Variants in PCDHA8 observed in about 807,000 individuals in gnomAD.
PCDHA8 encodes the protein protocadherin alpha 8, also known as protocadherin alpha-8.
Under a neutral mutation model 61.8 loss-of-function variants are expected in PCDHA8, and 53 were observed. The ratio of observed to expected loss-of-function variants is 0.86; its 90% CI spans 0.69 to 1.08. PCDHA8 has a LOEUF of 1.08. Ranked by LOEUF, PCDHA8 falls within the 50% of genes least tolerant of loss-of-function variation. The pLI is 0.00. For missense variants in PCDHA8, 1,293 were observed against 1,245.0 expected, an observed-to-expected ratio of 1.04 and a Z score of -0.58; for synonymous variants, 618 against 556.6, an observed-to-expected ratio of 1.11 and a Z score of -1.55.
At position 140,946,631 on chromosome 5, in the gene PCDHA8, T is replaced by C. The variant is rs75895301; in HGVS notation, c.2395-32318T>C. Among the ~76,000 whole-genome samples, 565 of 131,680 alleles carry C rather than the reference T, an allele frequency of 4.3e-3. 19 individuals are homozygous for C. Among genetic ancestry groups the C allele is most frequent in the Middle Eastern group, 0.019 (5 of 266 alleles). 86.4% of individuals were successfully genotyped at this position (131,680 alleles called of 152,430 possible). A position where few individuals can be genotyped will look rare whatever the true frequency, so the allele number is the denominator to read the frequency against. On this transcript the variant is annotated intron_variant, in intron 1 of 3. Coordinates refer to ENST00000531613, the MANE Select transcript of PCDHA8 (RefSeq NM_018911.3). ...TGTGAAATATATATATATATATATA[T>C]ACAATGGAATACTCATCAGCCATTA... is the stretch of plus-strand genomic sequence containing the variant.
chr5:140,880,891 C>T (rs1475261918), intron 1 of PCDHA8, among the ~76,000 whole-genome samples: 2 of 151,984 alleles, frequency 1.3e-5, no homozygotes, highest in Non-Finnish European at 2.9e-5. Flanking sequence ...AATGTAGGGC[C>T]AGATAGAAAG....
intron 2 of PCDHA8, among the ~76,000 whole-genome samples, chr5:140,981,831 G>A (rs2096952818): frequency 6.6e-6 from 1 of 152,006 alleles, no homozygotes; most frequent in African/African-American, 2.4e-5. Flanking sequence ...TGCCTCTAAA[G>A]GTCTCCCAGT....
chr5:140,987,266 C>T (rs2097244603), intron 3 of PCDHA8, among the ~76,000 whole-genome samples: 1 of 151,752 alleles, frequency 6.6e-6, no homozygotes, highest in African/African-American at 2.4e-5. Context: ...AGGAATGGGA[C>T]CCGGCAGTCT....
chr5:140,947,784 T>C (rs2094176527), intron 1 of PCDHA8, among the ~76,000 whole-genome samples: 1 of 151,672 alleles, frequency 6.6e-6, no homozygotes, highest in Non-Finnish European at 1.5e-5. Context: ...AAATGGATTT[T>C]AAACAGACTT....
intron 1 of PCDHA8, chr5:140,927,766 GAGGTGCA>G: frequency 6.2e-7 from 1 of 1,614,234 alleles, no homozygotes. Context: ...TAAAAGTGGG[GAGGTGCA>G]AGTAGCTGCT....
chr5:140,936,547 A>G (rs1554211059), intron 1 of PCDHA8, among the ~76,000 whole-genome samples: 1 of 152,240 alleles, frequency 6.6e-6, no homozygotes, highest in East Asian at 1.9e-4. Context: ...AGTGCAATGT[A>G]GAAGTCAAGA....
intron 3 of PCDHA8, among the ~76,000 whole-genome samples, chr5:141,000,385 C>A (rs868983393): frequency 3.1e-5 from 2 of 64,984 alleles, no homozygotes; most frequent in South Asian, 5.2e-4. Flanking sequence ...CTCTCTCTCT[C>A]TCTCTCTCTC....
chr5:140,915,458 G>T (rs1172885235), intron 1 of PCDHA8, among the ~76,000 whole-genome samples: 11 of 152,126 alleles, frequency 7.2e-5, no homozygotes, highest in African/African-American at 2.2e-4. Flanking sequence ...TTTCCAGAAG[G>T]TTTTTATTTG....
chr5:140,905,776 GT>G (rs1255347430), intron 1 of PCDHA8, among the ~76,000 whole-genome samples: 1 of 152,068 alleles, frequency 6.6e-6, no homozygotes, highest in African/African-American at 2.4e-5. Flanking sequence ...ATTCCGAAGT[GT>G]ATTAGTCAGG....
chr5:140,993,265 C>A (rs1196226593), intron 3 of PCDHA8, among the ~76,000 whole-genome samples: 1 of 152,062 alleles, frequency 6.6e-6, no homozygotes, highest in Non-Finnish European at 1.5e-5. Flanking sequence ...AAATTAGCTT[C>A]TTTGGTCTTT....
At chr5:140,902,509 A>G (rs1242435474) in intron 1 of PCDHA8, among the ~76,000 whole-genome samples, 2 of 152,056 alleles carry the variant, frequency 1.3e-5, no homozygotes, top group Non-Finnish European at 2.9e-5. Context: ...TGAGTCTGTC[A>G]TATATGGTTT....
At chr5:140,968,818 T>C in intron 1 of PCDHA8, 1 of 1,614,188 alleles carries the variant, frequency 6.2e-7, no homozygotes, top group South Asian at 1.1e-5. Flanking sequence ...TGGATAGGGT[T>C]TCCAAAATCC....
chr5:140,926,212 T>G (rs1261895253), intron 1 of PCDHA8, among the ~76,000 whole-genome samples: 2 of 152,204 alleles, frequency 1.3e-5, no homozygotes, highest in Non-Finnish European at 2.9e-5. Context: ...GGGCTCCTGT[T>G]TCCTTAAGCC....
At chr5:140,976,011 C>A (rs983997714) in intron 1 of PCDHA8, among the ~76,000 whole-genome samples, 10 of 152,230 alleles carry the variant, frequency 6.6e-5, no homozygotes, top group Admixed American at 1.3e-4. Flanking sequence ...TATTAAAGAA[C>A]TAAATAATCA....
At chr5:141,007,869 T>C (rs2098349373) in intron 3 of PCDHA8, among the ~76,000 whole-genome samples, 1 of 152,262 alleles carries the variant, frequency 6.6e-6, no homozygotes, top group African/African-American at 2.4e-5. Flanking sequence ...TCTTTTCCTT[T>C]GTCTTACACT....
chr5:140,959,107 C>A (rs1330357931), intron 1 of PCDHA8, among the ~76,000 whole-genome samples: 1 of 151,920 alleles, frequency 6.6e-6, no homozygotes, highest in South Asian at 2.1e-4. Context: ...CAGCAGGGGT[C>A]CGAAGGTGGG....
intron 3 of PCDHA8, among the ~76,000 whole-genome samples, chr5:140,994,608 G>C (rs1231327885): frequency 1.3e-5 from 2 of 152,098 alleles, no homozygotes; most frequent in Admixed American, 1.3e-4. Context: ...GGGAGGCTGA[G>C]GCACGAGAGT....
At chr5:140,980,397 C>T (rs888776890) in intron 2 of PCDHA8, among the ~76,000 whole-genome samples, 3 of 152,100 alleles carry the variant, frequency 2.0e-5, no homozygotes, top group South Asian at 2.1e-4. Context: ...TTTGGGAGGC[C>T]GAGGTGGGCA....
intron 1 of PCDHA8, among the ~76,000 whole-genome samples, chr5:140,930,847 A>G (rs1411771257): frequency 6.6e-6 from 1 of 152,224 alleles, no homozygotes; most frequent in Non-Finnish European, 1.5e-5. Context: ...AAATATGTGC[A>G]TATATGAATT....
Sources: allele counts gnomAD v4.1 joint callset (sites outside exome capture counted in the v4.1 genomes callset), GRCh38; gene constraint gnomAD v4.1.1; transcripts MANE v1.5; gene names NCBI Gene and HGNC (gene_info 2026-07-23, HGNC 2026-07-21).